Variants in LPP observed in about 807,000 individuals in gnomAD.
The protein encoded by LPP is lipoma-preferred partner.
A neutral mutation model predicts 60.4 loss-of-function variants in LPP; 38 were observed. The ratio of observed to expected loss-of-function variants is 0.63; its 90% CI spans 0.49 to 0.83. The LOEUF is 0.83. Ranked by LOEUF, LPP falls within the 40% of genes least tolerant of loss-of-function variation. LPP has a pLI of 0.00. For missense variants in LPP, 902 were observed against 783.6 expected, an observed-to-expected ratio of 1.15 and a Z score of -1.80; for synonymous variants, 328 against 290.8, an observed-to-expected ratio of 1.13 and a Z score of -1.30.
intron 6 of LPP, among the ~76,000 whole-genome samples, chr3:188,605,594 T>C (rs569371192): frequency 3.3e-5 from 5 of 152,170 alleles, no homozygotes; most frequent in African/African-American, 1.2e-4. Flanking sequence ...CTTCATAACA[T>C]AGAAGGTATA....
At chr3:188,205,649 C>T (rs760180929) in intron 1 of LPP, among the ~76,000 whole-genome samples, 1 of 152,148 alleles carries the variant, frequency 6.6e-6, no homozygotes, top group Admixed American at 6.5e-5. Flanking sequence ...CCCATCTACG[C>T]CATGTGTTGC....
chr3:188,825,269 C>CTCTCTCTGTGTGTG (rs1463318065), intron 9 of LPP, among the ~76,000 whole-genome samples: 17 of 101,756 alleles, frequency 1.7e-4, no homozygotes, highest in South Asian at 4.4e-4. Flanking sequence ...CTCTCTCTCT[C>CTCTCTCTGTGTGTG]TGTGTGTGTG....
chr3:188,607,415 AT>A (rs1436303151), intron 6 of LPP, among the ~76,000 whole-genome samples: 116 of 54,408 alleles, frequency 2.1e-3, no homozygotes, highest in Non-Finnish European at 3.8e-3. Flanking sequence ...ATATATATAT[AT>A]AATTTTTTTT....
At chr3:188,623,027 T>TAAAAAAAAAAAAAAA (rs747020083) in intron 7 of LPP, among the ~76,000 whole-genome samples, 4 of 79,458 alleles carry the variant, frequency 5.0e-5, no homozygotes, top group African/African-American at 2.0e-4. Context: ...GACTCCATCT[T>TAAAAAAAAAAAAAAA]AAAAAAAAAA....
chr3:188,651,531 G>A lies in LPP; in HGVS notation c.1113+41687G>A, dbSNP rs140683072. ...TATATTAGTCCGTTTTCACGCTGCT[G>A]ATAAAGACATACCTGAGACTGGACA... On this transcript the variant is annotated intron_variant, in intron 7 of 11. Transcript: ENST00000617246. 3.5e-4 allele frequency among the ~76,000 whole-genome samples: 54 copies of A among 152,316 alleles called. 1 individual carries two copies. The highest frequency in any genetic ancestry group is 1.3e-3 in the African/African-American group (53 of 41,578).
intron 2 of LPP, among the ~76,000 whole-genome samples, chr3:188,323,955 A>T (rs971961986): frequency 5.3e-5 from 8 of 152,244 alleles, no homozygotes; most frequent in Non-Finnish European, 1.2e-4. Flanking sequence ...ACATAGGAAT[A>T]GAGTTATTGC....
At chr3:188,650,902 T>A (rs1329740298) in intron 7 of LPP, among the ~76,000 whole-genome samples, 1 of 152,212 alleles carries the variant, frequency 6.6e-6, no homozygotes, top group Non-Finnish European at 1.5e-5. Context: ...CTTGGTGGCA[T>A]TGACTAGTTT....
At chr3:188,179,015 CAA>C (rs1265292100) in intron 1 of LPP, 2 of 229,954 alleles carry the variant, frequency 8.7e-6, no homozygotes, top group Non-Finnish European at 1.6e-5. Flanking sequence ...AGAGAGTGAG[CAA>C]GAGAGAGGGA....
chr3:188,755,807 CA>C (rs1560161264), intron 8 of LPP, among the ~76,000 whole-genome samples: 1 of 45,218 alleles, frequency 2.2e-5, no homozygotes, highest in African/African-American at 9.7e-5. Context: ...GAGATCCTGT[CA>C]CAAAAAAAAA....
At chr3:188,631,669 C>T (rs1057291227) in intron 7 of LPP, among the ~76,000 whole-genome samples, 22 of 152,216 alleles carry the variant, frequency 1.4e-4, no homozygotes, top group African/African-American at 4.3e-4. Context: ...GTCTAATTTC[C>T]ATGCTGGGTG....
At chr3:188,735,802 C>T (rs1467863409) in intron 8 of LPP, among the ~76,000 whole-genome samples, 1 of 152,172 alleles carries the variant, frequency 6.6e-6, no homozygotes, top group African/African-American at 2.4e-5. Flanking sequence ...TGTGTCTAAA[C>T]AAGTGACAAC....
At chr3:188,786,421 A>C (rs893979560) in intron 9 of LPP, among the ~76,000 whole-genome samples, 2 of 148,402 alleles carry the variant, frequency 1.3e-5, no homozygotes, top group African/African-American at 5.0e-5. Context: ...ACCAACCATC[A>C]GTGCAGAAGA....
intron 9 of LPP, among the ~76,000 whole-genome samples, chr3:188,788,930 G>C (rs185710727): frequency 1.3e-5 from 2 of 152,214 alleles, no homozygotes; most frequent in East Asian, 3.9e-4. Flanking sequence ...GACTGTCCGT[G>C]TTGCATCATC....
At chr3:188,784,358 CAT>C (rs1279561645) in intron 9 of LPP, among the ~76,000 whole-genome samples, 2 of 53,648 alleles carry the variant, frequency 3.7e-5, no homozygotes, top group African/African-American at 1.7e-4. Context: ...TATATTCCAT[CAT>C]ATATATATAT....
chr3:188,823,035 T>C (rs1248597024), intron 9 of LPP, among the ~76,000 whole-genome samples: 1 of 152,158 alleles, frequency 6.6e-6, no homozygotes. Context: ...TTGGACATTT[T>C]ATAATTCAAT....
chr3:188,708,354 CTGTA>C lies in LPP; in HGVS notation c.1204_1207del (p.Tyr402ThrfsTer21), dbSNP rs1354949985. The C allele has an allele frequency of 6.2e-7, 1 of 1,614,064 alleles. No homozygotes were observed. Among genetic ancestry groups the C allele is most frequent in the Non-Finnish European group, 8.5e-7 (1 of 1,180,024 alleles). On this transcript the variant is annotated frameshift_variant, in exon 8 of 12. Transcript: ENST00000617246. LOFTEE classifies it high-confidence loss of function. ...GCTTGAGCACCTGACCAAAAAGATGCTGTATGACATGGAAAATCCACCTGCTGAC... is the reference window on the plus strand; with the variant it reads ...GCTTGAGCACCTGACCAAAAAGATGCTGACATGGAAAATCCACCTGCTGAC...
At chr3:188,260,785 C>T (rs550938793) in intron 2 of LPP, among the ~76,000 whole-genome samples, 1 of 152,260 alleles carries the variant, frequency 6.6e-6, no homozygotes, top group East Asian at 1.9e-4. Flanking sequence ...GTAATCCCAG[C>T]ACTTTGGGAG....
intron 2 of LPP, among the ~76,000 whole-genome samples, chr3:188,297,400 G>A (rs1401738021): frequency 6.6e-6 from 1 of 152,148 alleles, no homozygotes; most frequent in African/African-American, 2.4e-5. Flanking sequence ...CATAAATTCC[G>A]TAATACTACA....
chr3:188,520,060 C>T (rs1345541040), intron 5 of LPP, among the ~76,000 whole-genome samples: 1 of 152,154 alleles, frequency 6.6e-6, no homozygotes, highest in South Asian at 2.1e-4. Flanking sequence ...TATGTACTTA[C>T]AGTGGGGGAG....
Sources: gnomAD v4.1 joint callset for allele counts (sites outside exome capture counted in the v4.1 genomes callset) on GRCh38, gnomAD v4.1.1 for gene constraint, MANE v1.5 for transcripts, NCBI Gene and HGNC (gene_info 2026-07-23, HGNC 2026-07-21) for gene names.